IL11: variants seen among roughly 807,000 people sequenced by gnomAD.
IL11 encodes the protein interleukin-11.
A neutral mutation model predicts 18.1 loss-of-function variants in IL11; 17 were observed. The ratio of observed to expected loss-of-function variants is 0.94; its 90% CI spans 0.64 to 1.41. The LOEUF is 1.41. IL11 is among the 40% of genes most tolerant of loss of function. The pLI is 0.00. For missense variants in IL11, 309 were observed against 262.8 expected (o/e 1.18, Z -1.22); for synonymous variants, 144 against 134.1 (o/e 1.07, Z -0.51).
chr19:55,365,947 G>GAAAT lies in IL11; in HGVS notation c.*56_*59dup, dbSNP rs1160309692. The stretch of plus-strand genomic sequence containing the variant: ...ACCTGGCTGTTTCGCCCCCAGTACT[G>GAAAT]AAATAAATAAATAAATAAGATCTGG... On this transcript the variant is annotated 3_prime_UTR_variant, in exon 5 of 5. Transcript: ENST00000264563. 3 of 1,548,602 alleles carry GAAAT rather than the reference G, an allele frequency of 1.9e-6. No homozygotes were observed. The highest frequency in any genetic ancestry group is 4.9e-5 in the East Asian group (2 of 40,908).
At position 55,369,201 on chromosome 19, in the gene IL11, AG is replaced by A. The variant is rs1342741814; in HGVS notation, c.8-261del. The A allele has an allele frequency of 9.0e-6, 3 of 333,260 alleles. No homozygotes were observed. Among genetic ancestry groups the A allele is most frequent in the Non-Finnish European group, 1.1e-5 (2 of 182,880 alleles). The allele number at this position is 333,260 out of a possible 1,614,324, so 20.6% of individuals were successfully genotyped here. ...GATGGAGCTGGAGGTCTTAAGTCCC[AG>A]GGTGGAACGCCCGCGGGCAGGTCGC... On this transcript the variant is annotated intron_variant, in intron 1 of 4. Transcript: ENST00000264563. This position sits in a 1 kb window ranked among gnomAD's most constrained non-coding sequence, Gnocchi z 6.1.
At chr19:55,370,248 G>C (rs1277175864) in intron 1 of IL11, 56 bp downstream of exon 1, 1 of 1,337,038 alleles carries the variant, frequency 7.5e-7, no homozygotes, top group Non-Finnish European at 1.0e-6. Flanking sequence ...CCCCGCCGTG[G>C]GTCCCTCTCC....
In IL11 at chr19:55,369,161, C is replaced by A; in HGVS notation, c.8-220G>T. ...GGGAGGAGGGTCTGGGGCCTGGACT[C>A]CCGGCCTTAGGGAGGATGGAGCTGG... On this transcript the variant is annotated intron_variant, in intron 1 of 4. Coordinates refer to ENST00000264563, the MANE Select transcript of IL11 (RefSeq NM_000641.4). The surrounding 1 kb of genome is among the most constrained non-coding windows in gnomAD (Gnocchi z 6.1). 1 of 438,354 alleles carries A rather than the reference C, an allele frequency of 2.3e-6. No individual in the cohort carries two copies. Among genetic ancestry groups the A allele is most frequent in the South Asian group, 5.3e-5 (1 of 18,934 alleles). The allele number at this position is 438,354 out of a possible 1,614,324, so 27.2% of individuals were successfully genotyped here. A position where few individuals can be genotyped will look rare whatever the true frequency, so the allele number is the denominator to read the frequency against.
At chr19:55,367,863 G>C (rs1179060631) in intron 4 of IL11, among the ~76,000 whole-genome samples, 2 of 152,034 alleles carry the variant, frequency 1.3e-5, no homozygotes, top group Admixed American at 6.6e-5. Context: ...TGGGTCTTAG[G>C]GGCTGGGATC....
chr19:55,368,638 G>A (rs915512017), intron 2 of IL11, 69 bp from the exon 3 acceptor site: 2 of 1,505,918 alleles, frequency 1.3e-6, no homozygotes, highest in Non-Finnish European at 1.8e-6. Context: ...CCCACGCCAG[G>A]CCCCCAACTC....
Position 55,365,892 on chromosome 19 carries a change from T to TA in IL11, c.*114dup. 1.3e-6 allele frequency: 2 copies of TA among 1,494,164 alleles called. No individual in the cohort carries two copies. The highest frequency in any genetic ancestry group is 1.8e-6 in the Non-Finnish European group (2 of 1,103,646). The allele number at this position is 1,494,164 out of a possible 1,614,324, so 92.6% of individuals were successfully genotyped here. On this transcript the variant is annotated 3_prime_UTR_variant, in exon 5 of 5. Transcript: ENST00000264563. ...CCAGGCCTCACGGAAGGACTGTCTCTAACTAGGGGGAGATAATGGCGGGGG... is the reference window on the plus strand; with the variant it reads ...CCAGGCCTCACGGAAGGACTGTCTCTAAACTAGGGGGAGATAATGGCGGGGG...
rs2089788678 is a variant in IL11, at chr19:55,366,780, C to A, written c.430-603G>T. On this transcript the variant is annotated intron_variant, in intron 4 of 4. Coordinates refer to ENST00000264563, the MANE Select transcript of IL11 (RefSeq NM_000641.4). The surrounding 1 kb of genome is among the most constrained non-coding windows in gnomAD (Gnocchi z 4.6). ...CGAGCCGAAATGGCACCATTGCACT[C>A]TAGCCTGGGCAACAGAGCGCGAGAC... Among the ~76,000 whole-genome samples the A allele has an allele frequency of 6.6e-6, 1 of 152,108 alleles. No individual in the cohort carries two copies. Among genetic ancestry groups the A allele is most frequent in the South Asian group, 2.1e-4 (1 of 4,822 alleles).
Position 55,370,355 on chromosome 19 carries a change from C to T in IL11, c.-45G>A. ...TTCCCCAGGGCAGGGGGCAGGGAGC[C>T]GGGGGCCTTTAACCCTTCCCTGTCC... On this transcript the variant is annotated 5_prime_UTR_variant, in exon 1 of 5. Transcript: ENST00000264563. The T allele has an allele frequency of 7.1e-7, 1 of 1,399,278 alleles. No individual in the cohort carries two copies. Among genetic ancestry groups the T allele is most frequent in the Non-Finnish European group, 9.4e-7 (1 of 1,067,648 alleles). 86.7% of individuals were successfully genotyped at this position (1,399,278 alleles called of 1,614,324 possible).
chr19:55,366,161 AGGGCCAGGC>A lies in IL11; in HGVS notation c.437_445del (p.Arg146_Ala148del), dbSNP rs1238291349. ...CGGCGGGTCCGGGGGTGGCTGGGGC[AGGGCCAGGC>A]GGGACATCTGTGGGGAGAGGAGAGA... On this transcript the variant is annotated inframe_deletion, in exon 5 of 5. Transcript: ENST00000264563. This position sits in a 1 kb window ranked among gnomAD's most constrained non-coding sequence, Gnocchi z 4.6. The A allele has an allele frequency of 6.7e-7, 1 of 1,495,160 alleles. No individual in the cohort carries two copies. The highest frequency in any genetic ancestry group is 2.4e-5 in the Admixed American group (1 of 42,026). The allele number at this position is 1,495,160 out of a possible 1,614,324, so 92.6% of individuals were successfully genotyped here. A position where few individuals can be genotyped will look rare whatever the true frequency, so the allele number is the denominator to read the frequency against.
intron 1 of IL11, 53 bp downstream of exon 1, chr19:55,370,251 C>T (rs1732946889): frequency 1.5e-6 from 2 of 1,364,708 alleles, no homozygotes; most frequent in Admixed American, 4.0e-5. Flanking sequence ...CGCCGTGGGT[C>T]CCTCTCCTCC....
At chr19:55,368,042 GGGGCTGTTACGGTGTCAGGGTCTCAGAGC>G (rs1569031984) in intron 4 of IL11, among the ~76,000 whole-genome samples, 139 bp downstream of exon 4, 1 of 151,802 alleles carries the variant, frequency 6.6e-6, no homozygotes, top group African/African-American at 2.4e-5. Flanking sequence ...GTCTCAGAGC[GGGGCTGTTACGGTGTCAGGGTCTCAGAGC>G]GGGCTGTTAG....
rs544256358 is a variant in IL11 at position 55,366,082 on chromosome 19, G to A, written c.525C>T (p.His175=). 181 of 1,590,552 alleles carry A rather than the reference G, an allele frequency of 1.1e-4. 1 individual carries two copies. The highest frequency in any genetic ancestry group is 7.5e-4 in the Middle Eastern group (4 of 5,364). The change falls in exon 5 of 5, where the codon CAC becomes CAT. Residue 175 remains histidine, a synonymous_variant. Transcript: ENST00000264563. The surrounding 1 kb of genome is among the most constrained non-coding windows in gnomAD (Gnocchi z 4.6). ...TCAGGTGCAGCCCCCCCAGGATGGCGTGGGCGGCCCTGATGCCCCCCCAGG... is the reference window on the plus strand; with the variant it reads ...TCAGGTGCAGCCCCCCCAGGATGGCATGGGCGGCCCTGATGCCCCCCCAGG... ...SSAWGGIRAA[H]AILGGLHLTL...
In IL11 at chr19:55,366,870, G is replaced by C. The variant is rs892293979; in HGVS notation, c.430-693C>G. Among the ~76,000 whole-genome samples, 5 of 152,134 alleles carry C rather than the reference G, an allele frequency of 3.3e-5. No homozygotes were observed. Among genetic ancestry groups the C allele is most frequent in the Admixed American group, 6.5e-5 (1 of 15,276 alleles). On this transcript the variant is annotated intron_variant, in intron 4 of 4. Coordinates refer to ENST00000264563, the MANE Select transcript of IL11 (RefSeq NM_000641.4). This position sits in a 1 kb window ranked among gnomAD's most constrained non-coding sequence, Gnocchi z 4.6. Reference sequence around the variant, plus strand: ...AACAGAGTCTTGCTATGCTGCCCAGGCTGTCTCAAACTCATGGCCTCAAGA... The same window carrying C: ...AACAGAGTCTTGCTATGCTGCCCAGCCTGTCTCAAACTCATGGCCTCAAGA...
At position 55,368,331 on chromosome 19, in the gene IL11, G is replaced by A. The variant is rs774572766; in HGVS notation, c.308C>T (p.Ser103Phe). ...CAGCCACTGCACGTGCCGCAGGTAG[G>A]ACAGTAGGTCCGCTCGCAGCCTTGT... The part of the protein sequence containing the change: ...VLTRLRADLL[S>F]YLRHVQWLRR... Residue 103 changes from serine to phenylalanine, a missense_variant, in exon 4 of 5, where the codon TCC (serine) becomes TTC (phenylalanine). By Grantham distance (155) the Ser-to-Phe change is radical. Coordinates refer to ENST00000264563, the MANE Select transcript of IL11 (RefSeq NM_000641.4). 6 of 1,601,150 alleles carry A rather than the reference G, an allele frequency of 3.7e-6. No homozygotes were observed. The South Asian group carries it at 4.5e-5, about 12-fold the overall frequency.
In IL11 at chr19:55,368,252, C is replaced by A; in HGVS notation, c.387G>T (p.Leu129=). 1 of 1,547,788 alleles carries A rather than the reference C, an allele frequency of 6.5e-7. No individual in the cohort carries two copies. Among genetic ancestry groups the A allele is most frequent in the Non-Finnish European group, 8.7e-7 (1 of 1,145,374 alleles). Residue 129 remains leucine, a synonymous_variant, in exon 4 of 5, where the codon CTG becomes CTT. Coordinates refer to ENST00000264563, the MANE Select transcript of IL11 (RefSeq NM_000641.4). ...LKTLEPELGT[L]QARLDRLLRR... ...GCAGCAGCCGGTCCAGTCGGGCCTG[C>A]AGGGTGCCCAGCTCGGGCTCCAGGG...
chr19:55,365,857 C>G lies in IL11; in HGVS notation c.*150G>C, dbSNP rs1188347843. ...GAAATAAATAAGTATAAATAAGGCACAGATGCCCCCCAGGCCTCACGGAAG... is the reference window on the plus strand; with the variant it reads ...GAAATAAATAAGTATAAATAAGGCAGAGATGCCCCCCAGGCCTCACGGAAG... On this transcript the variant is annotated 3_prime_UTR_variant, in exon 5 of 5. Transcript: ENST00000264563. 4 of 1,257,124 alleles carry G rather than the reference C, an allele frequency of 3.2e-6. No individual in the cohort carries two copies. The highest frequency in any genetic ancestry group is 1.4e-5 in the South Asian group (1 of 71,008). The allele number at this position is 1,257,124 out of a possible 1,614,324, so 77.9% of individuals were successfully genotyped here.
In IL11 at chr19:55,369,144, G is replaced by T; in HGVS notation, c.8-203C>A. On this transcript the variant is annotated intron_variant, in intron 1 of 4. Coordinates refer to ENST00000264563, the MANE Select transcript of IL11 (RefSeq NM_000641.4). The surrounding 1 kb of genome is among the most constrained non-coding windows in gnomAD (Gnocchi z 6.1). ...TGGACTCCTGGGTCTCGGGGAGGAG[G>T]GTCTGGGGCCTGGACTCCCGGCCTT... 1 of 475,592 alleles carries T rather than the reference G, an allele frequency of 2.1e-6. No homozygotes were observed. 29.5% of individuals were successfully genotyped at this position (475,592 alleles called of 1,614,324 possible). A position where few individuals can be genotyped will look rare whatever the true frequency, so the allele number is the denominator to read the frequency against.
In IL11 at chr19:55,369,163, C is replaced by T. The variant is rs562150190; in HGVS notation, c.8-222G>A. 42 of 434,298 alleles carry T rather than the reference C, an allele frequency of 9.7e-5. No individual in the cohort carries two copies. The South Asian group carries it at 1.9e-3, about 20-fold the overall frequency. 26.9% of individuals were successfully genotyped at this position (434,298 alleles called of 1,614,324 possible). ...GAGGAGGGTCTGGGGCCTGGACTCC[C>T]GGCCTTAGGGAGGATGGAGCTGGAG... On this transcript the variant is annotated intron_variant, in intron 1 of 4. Transcript: ENST00000264563. The surrounding 1 kb of genome is among the most constrained non-coding windows in gnomAD (Gnocchi z 6.1).
At position 55,369,369 on chromosome 19, in the gene IL11, G is replaced by C. The variant is rs1022808539; in HGVS notation, c.8-428C>G. On this transcript the variant is annotated intron_variant, in intron 1 of 4. Coordinates refer to ENST00000264563, the MANE Select transcript of IL11 (RefSeq NM_000641.4). The surrounding 1 kb of genome is among the most constrained non-coding windows in gnomAD (Gnocchi z 6.1). ...AATCTGGGCCCCGGGGCGGGGCATGGTGGGGGAGGCACAGGCCAGAACCTG... is the reference window on the plus strand; with the variant it reads ...AATCTGGGCCCCGGGGCGGGGCATGCTGGGGGAGGCACAGGCCAGAACCTG... 1 of 155,114 alleles carries C rather than the reference G, an allele frequency of 6.4e-6. No homozygotes were observed. Among genetic ancestry groups the C allele is most frequent in the African/African-American group, 2.4e-5 (1 of 41,552 alleles). The allele number at this position is 155,114 out of a possible 1,614,324, so 9.6% of individuals were successfully genotyped here.
Sources: allele counts gnomAD v4.1 joint callset (sites outside exome capture counted in the v4.1 genomes callset), GRCh38; gene constraint gnomAD v4.1.1; non-coding constraint Gnocchi (gnomAD v3.1); transcripts MANE v1.5; gene names NCBI Gene and HGNC (gene_info 2026-07-23, HGNC 2026-07-21).